Variants in PPP6R3 observed in about 807,000 individuals in gnomAD.
PPP6R3 encodes protein phosphatase 6 regulatory subunit 3.
In PPP6R3, 38 loss-of-function variants were observed where a neutral mutation model predicts 110.7. The observed-to-expected ratio is 0.34, with a 90% confidence interval of 0.26 to 0.45. The LOEUF (loss-of-function observed/expected upper bound fraction) is 0.45. PPP6R3 is among the 20% of genes least tolerant of loss of function. The pLI is 1.00. For synonymous variants in PPP6R3, 369 were observed against 373.5 expected (o/e 0.99, Z 0.14); for missense variants, 870 against 1,062.4 (o/e 0.82, Z 2.52).
At position 68,494,492 on chromosome 11, in the gene PPP6R3, C is replaced by T. The variant is rs572250083; in HGVS notation, c.-157-25009C>T. Among the ~76,000 whole-genome samples, 3 of 150,162 alleles carry T rather than the reference C, an allele frequency of 2.0e-5. No individual in the cohort carries two copies. The South Asian group carries it at 6.3e-4, about 32-fold the overall frequency. ...ATGAGTGGACCTGTTTCCCTATATTCCCCTTCTAGTGTTAGTTTTAATTAT... is the reference window on the plus strand; with the variant it reads ...ATGAGTGGACCTGTTTCCCTATATTTCCCTTCTAGTGTTAGTTTTAATTAT... On this transcript the variant is annotated intron_variant, in intron 1 of 23. Coordinates refer to ENST00000393800, the MANE Select transcript of PPP6R3 (RefSeq NM_001164161.2).
intron 12 of PPP6R3, among the ~76,000 whole-genome samples, chr11:68,571,604 T>C (rs2099507491): frequency 6.6e-6 from 1 of 152,250 alleles, no homozygotes; most frequent in African/African-American, 2.4e-5. Context: ...TATTAGTTGA[T>C]ACATGTAAGT....
intron 9 of PPP6R3, among the ~76,000 whole-genome samples, chr11:68,566,301 C>CTTCCTCCTCCTCCTTCCTCCTTCTCT (rs1375884257): frequency 1.3e-5 from 2 of 151,856 alleles, no homozygotes; most frequent in African/African-American, 4.8e-5. Flanking sequence ...TTTATTCTTC[C>CTTCCTCCTCCTCCTTCCTCCTTCTCT]TTCCTCCTCC....
At position 68,613,047 on chromosome 11, in the gene PPP6R3, C is replaced by CCTGT; in HGVS notation, c.2571-14_2571-11dup. Reference sequence around the variant, plus strand: ...ATTTCTGCTGCAAGTGCCTCCGATGCCTGTCTGTTGCTCCTTAGGACTGGC... The same window carrying CCTGT: ...ATTTCTGCTGCAAGTGCCTCCGATGCCTGTCTGTCTGTTGCTCCTTAGGACTGGC... On this transcript the variant is annotated intron_variant, in intron 23 of 23. Transcript: ENST00000393800. The CCTGT allele has an allele frequency of 6.2e-7, 1 of 1,614,140 alleles. No homozygotes were observed. The highest frequency in any genetic ancestry group is 8.5e-7 in the Non-Finnish European group (1 of 1,180,000).
At chr11:68,561,905 A>G (rs1480422269) in intron 8 of PPP6R3, among the ~76,000 whole-genome samples, 1 of 152,204 alleles carries the variant, frequency 6.6e-6, no homozygotes, top group Non-Finnish European at 1.5e-5. Flanking sequence ...GACTACAGGC[A>G]CAAGCCATCA....
At chr11:68,553,867 G>C (rs1044743211) in intron 6 of PPP6R3, among the ~76,000 whole-genome samples, 1 of 152,082 alleles carries the variant, frequency 6.6e-6, no homozygotes, top group African/African-American at 2.4e-5. Flanking sequence ...TGCTCAATCT[G>C]TATTTTTTCC....
At chr11:68,548,930 G>A (rs531010355) in intron 5 of PPP6R3, among the ~76,000 whole-genome samples, 15 of 152,030 alleles carry the variant, frequency 9.9e-5, no homozygotes, top group African/African-American at 3.4e-4. Flanking sequence ...TCACTCTGTC[G>A]CCCAGGCTGG....
intron 6 of PPP6R3, among the ~76,000 whole-genome samples, chr11:68,552,243 G>A (rs1408502301): frequency 2.0e-5 from 3 of 152,192 alleles, no homozygotes; most frequent in African/African-American, 7.2e-5. Context: ...CCTGAAGCTG[G>A]GAGAATCTCC....
chr11:68,573,790 GAGA>G (rs1341905700), intron 12 of PPP6R3, among the ~76,000 whole-genome samples: 1 of 152,158 alleles, frequency 6.6e-6, no homozygotes, highest in Non-Finnish European at 1.5e-5. Context: ...TTAGGCATCA[GAGA>G]AGGTTTATTT....
chr11:68,606,350 C>T (rs978084354), intron 22 of PPP6R3, among the ~76,000 whole-genome samples: 1 of 151,996 alleles, frequency 6.6e-6, no homozygotes, highest in Non-Finnish European at 1.5e-5. Context: ...AAGATGAGTG[C>T]AGTGATGTGG....
At chr11:68,479,627 C>G (rs1437953484) in intron 1 of PPP6R3, among the ~76,000 whole-genome samples, 3 of 152,178 alleles carry the variant, frequency 2.0e-5, no homozygotes, top group Non-Finnish European at 2.9e-5. Context: ...TCTCTAGCTT[C>G]TAACCTCTTT....
intron 3 of PPP6R3, among the ~76,000 whole-genome samples, chr11:68,544,426 T>C: frequency 6.6e-6 from 1 of 152,142 alleles, no homozygotes; most frequent in East Asian, 1.9e-4. Context: ...TGCAGTGCAG[T>C]TTCCTGGAAA....
At chr11:68,592,550 G>C (rs1260791884) in intron 18 of PPP6R3, among the ~76,000 whole-genome samples, 1 of 152,166 alleles carries the variant, frequency 6.6e-6, no homozygotes, top group African/African-American at 2.4e-5. Context: ...GGTTATAGCA[G>C]ACTCAGCGGT....
intron 18 of PPP6R3, among the ~76,000 whole-genome samples, chr11:68,595,741 A>G (rs2099611993): frequency 6.6e-6 from 1 of 152,250 alleles, no homozygotes; most frequent in African/African-American, 2.4e-5. Context: ...CAGTTAAGAT[A>G]TAAGATGGCA....
Position 68,537,779 on chromosome 11 carries a change from G to T in PPP6R3, c.115G>T (p.Ala39Ser), listed in dbSNP as rs766398834. ...GGAAGATGTTTTACAGGAATGTAAA[G>T]CTCAGAACCGCAAACTTATAGAGTT... ...DEEDVLQECK[A>S]QNRKLIEFLL... Residue 39 changes from alanine (A) to serine (S), a missense_variant, in exon 3 of 24, where the codon GCT (alanine) becomes TCT (serine). Transcript: ENST00000393800. 1 of 1,613,422 alleles carries T rather than the reference G, an allele frequency of 6.2e-7. No homozygotes were observed. The highest frequency in any genetic ancestry group is 1.1e-5 in the South Asian group (1 of 91,060).
Position 68,599,318 on chromosome 11 carries a change from C to G in PPP6R3, c.2039-1023C>G, listed in dbSNP as rs572508415. On this transcript the variant is annotated intron_variant, in intron 19 of 23. Transcript: ENST00000393800. ...GCAGTTAGAGCAGATCCACAGTGAC[C>G]TGACTTCATCAGAAGGGACACATGT... Among the ~76,000 whole-genome samples the G allele has an allele frequency of 3.3e-5, 5 of 152,332 alleles. 1 individual carries two copies. In the South Asian group the frequency reaches 1.0e-3, roughly 32 times the overall value.
At chr11:68,547,229 G>T (rs531336564) in intron 4 of PPP6R3, among the ~76,000 whole-genome samples, 1 of 152,052 alleles carries the variant, frequency 6.6e-6, no homozygotes, top group Admixed American at 6.5e-5. Context: ...GGGGTGTGGC[G>T]GTGGGGGTGA....
intron 2 of PPP6R3, among the ~76,000 whole-genome samples, chr11:68,523,401 T>G (rs2099174146): frequency 6.6e-6 from 1 of 152,236 alleles, no homozygotes; most frequent in African/African-American, 2.4e-5. Context: ...GTGAAGAACA[T>G]TCTGCAGTAG....
chr11:68,507,236 G>A (rs1466592902), intron 1 of PPP6R3, among the ~76,000 whole-genome samples: 1 of 142,488 alleles, frequency 7.0e-6, no homozygotes, highest in African/African-American at 2.6e-5. Flanking sequence ...TTTCACAGTA[G>A]TCTTTTTGCA....
rs538934676 is a variant in PPP6R3, at chr11:68,529,628, A to C, written c.-6-8031A>C. Among the ~76,000 whole-genome samples the C allele has an allele frequency of 2.8e-4, 43 of 152,322 alleles. No homozygotes were observed. In the South Asian group the frequency reaches 8.5e-3, roughly 30 times the overall value. ...GCATTATTTCAAGATGAAGGATTTG[A>C]AAACTTTCTTGTTATTGCTATAAAT... is the stretch of plus-strand genomic sequence containing the variant. On this transcript the variant is annotated intron_variant, in intron 2 of 23. Transcript: ENST00000393800.
Sources: allele counts gnomAD v4.1 joint callset (sites outside exome capture counted in the v4.1 genomes callset), GRCh38; gene constraint gnomAD v4.1.1; transcripts MANE v1.5; gene names NCBI Gene and HGNC (gene_info 2026-07-23, HGNC 2026-07-21).